The following CYP2S1 variants were observed in gnomAD, a reference collection of about 807,000 sequenced individuals.
CYP2S1 encodes the protein cytochrome P450 family 2 subfamily S member 1.
CYP2S1 carries 32 observed loss-of-function variants against 43.5 expected under a neutral mutation model. The observed-to-expected ratio is 0.74, with a 90% CI of 0.56 to 0.99. CYP2S1 has a LOEUF of 0.99. Ranked by LOEUF, CYP2S1 falls within the 50% of genes least tolerant of loss-of-function variation. CYP2S1 has a pLI of 0.00. For missense variants in CYP2S1, 575 were observed against 673.9 expected, an observed-to-expected ratio of 0.85 and a Z score of 1.62; for synonymous variants, 283 against 302.9, an observed-to-expected ratio of 0.93 and a Z score of 0.68.
chr19:41,194,598 G>A lies in CYP2S1; in HGVS notation c.232G>A (p.Val78Met), dbSNP rs2033386698. 6 of 1,611,504 alleles carry A rather than the reference G, an allele frequency of 3.7e-6. No individual in the cohort carries two copies. Among genetic ancestry groups the A allele is most frequent in the Non-Finnish European group, 4.2e-6 (5 of 1,178,994 alleles). Reference sequence around the variant, plus strand: ...CATCTACCTGGGACCCTGGCGGCCTGTGGTGGTCCTGGTTGGGCAGGAGGC... The same window carrying A: ...CATCTACCTGGGACCCTGGCGGCCTATGGTGGTCCTGGTTGGGCAGGAGGC... Reference protein sequence around the residue: ...FTIYLGPWRPVVVLVGQEAVR... With the variant: ...FTIYLGPWRPMVVLVGQEAVR... The change falls in exon 2 of 9, where the codon GTG (valine) becomes ATG (methionine). Residue 78 changes from valine (V) to methionine (M), a missense_variant. Val to Met is a conservative substitution (Grantham distance 21, BLOSUM62 1). Around this residue, in one of 2 missense-constraint regions of CYP2S1, gnomAD observed 353 missense variants for 367.6 expected, o/e 0.96. Transcript: ENST00000310054.
Position 41,198,772 on chromosome 19 carries a change from C to G in CYP2S1, c.718C>G (p.His240Asp). The change falls in exon 5 of 9, where the codon CAC becomes GAC. Residue 240 changes from histidine (H) to aspartate (D), a missense_variant. By Grantham distance (81) the His-to-Asp change is moderately conservative. Transcript: ENST00000310054. The surrounding 1 kb of genome is among the most constrained non-coding windows in gnomAD (Gnocchi z 4.9). ...LPGPHKQLLH[H>D]VSTLAAFTVR... The stretch of plus-strand genomic sequence containing the variant: ...AGGCCCCCACAAGCAGCTCCTCCAC[C>G]ACGTCAGCACCTTGGCTGCCTTCAC... 6.2e-7 allele frequency: 1 copy of G among 1,614,232 alleles called. No homozygotes were observed. The highest frequency in any genetic ancestry group is 1.3e-5 in the African/African-American group (1 of 75,066).
intron 7 of CYP2S1, 102 bp downstream of exon 7, chr19:41,203,739 C>G (rs1381363451): frequency 8.0e-6 from 3 of 374,572 alleles, no homozygotes; most frequent in Non-Finnish European, 1.2e-5. Context: ...ATCTTAGTGT[C>G]TCTCTCTCTC....
In CYP2S1 at chr19:41,194,451, C is replaced by T. The variant is rs2033383688; in HGVS notation, c.178-93C>T. The T allele has an allele frequency of 4.8e-6, 7 of 1,444,814 alleles. No homozygotes were observed. In the South Asian group the frequency reaches 6.4e-5, roughly 13 times the overall value. The allele number at this position is 1,444,814 out of a possible 1,614,324, so 89.5% of individuals were successfully genotyped here. A position where few individuals can be genotyped will look rare whatever the true frequency, so the allele number is the denominator to read the frequency against. ...CCTGGTAGAGGGCGTAGAAGCTAGA[C>T]CCGGTGGCTCCTCAAGTGACAGGGG... On this transcript the variant is annotated intron_variant, in intron 1 of 8. Coordinates refer to ENST00000310054, the MANE Select transcript of CYP2S1 (RefSeq NM_030622.8).
In CYP2S1 at chr19:41,205,017, T is replaced by C. The variant is rs146980994; in HGVS notation, c.1165-941T>C. The stretch of plus-strand genomic sequence containing the variant: ...CAACTTGAAGCTGTAAGATAATGCT[T>C]GTAAAACAAACACCAACTCAACTCT... On this transcript the variant is annotated intron_variant, in intron 7 of 8. Coordinates refer to ENST00000310054, the MANE Select transcript of CYP2S1 (RefSeq NM_030622.8). Among the ~76,000 whole-genome samples the C allele has an allele frequency of 1.5e-4, 23 of 152,242 alleles. No individual in the cohort carries two copies. In the East Asian group the frequency reaches 3.7e-3, roughly 24 times the overall value.
At chr19:41,205,838 T>A (rs749084367) in intron 7 of CYP2S1, 120 bp from the exon 8 acceptor site, 1 of 1,311,318 alleles carries the variant, frequency 7.6e-7, no homozygotes, top group African/African-American at 1.5e-5. Context: ...TCCACAAATG[T>A]TGATGCCATT....
rs2033389668 is a variant in CYP2S1 at position 41,194,707 on chromosome 19, A to G, written c.341A>G (p.His114Arg). Residue 114 changes from histidine (H) to arginine (R), a missense_variant and splice_region_variant, in exon 2 of 9, where the codon CAT (histidine) becomes CGT (arginine). This residue lies in a region of CYP2S1 where 353 missense variants were observed against 367.6 expected (regional missense o/e 0.96). Coordinates refer to ENST00000310054, the MANE Select transcript of CYP2S1 (RefSeq NM_030622.8). ...VAMLEGTFDG[H>R]GVFFSNGERW... ...ATGCTGGAAGGGACTTTTGATGGCC[A>G]TGGTAAGTCAAGGGCTGCTAGGCCC... 2 of 1,610,640 alleles carry G rather than the reference A, an allele frequency of 1.2e-6. No homozygotes were observed. The highest frequency in any genetic ancestry group is 1.7e-6 in the Non-Finnish European group (2 of 1,178,764).
chr19:41,207,011 C>T lies in CYP2S1; in HGVS notation c.*523C>T. 2.8e-6 allele frequency: 1 copy of T among 357,766 alleles called. No individual in the cohort carries two copies. The highest frequency in any genetic ancestry group is 1.0e-3 in the Middle Eastern group (1 of 978). 22.2% of individuals were successfully genotyped at this position (357,766 alleles called of 1,614,324 possible). A position where few individuals can be genotyped will look rare whatever the true frequency, so the allele number is the denominator to read the frequency against. The stretch of plus-strand genomic sequence containing the variant: ...CAACTCATGCTCCCTCTCTTGGCTA[C>T]ACCACTCTCCCAGCCTGTGACCACC... On this transcript the variant is annotated 3_prime_UTR_variant, in exon 9 of 9. Transcript: ENST00000310054.
At chr19:41,203,358 C>T in intron 6 of CYP2S1, 92 bp from the exon 7 acceptor site, 1 of 1,398,688 alleles carries the variant, frequency 7.1e-7, no homozygotes, top group Non-Finnish European at 9.4e-7. Context: ...TCAGCCTCAC[C>T]CCAAACTACA....
chr19:41,203,396 G>A (rs2122165419), intron 6 of CYP2S1, 54 bp from the exon 7 acceptor site: 4 of 1,493,836 alleles, frequency 2.7e-6, no homozygotes, highest in Non-Finnish European at 3.6e-6. Context: ...GCTTCTGAGA[G>A]GAGGATCCCT....
chr19:41,205,864 G>C (rs1038532665), intron 7 of CYP2S1, 94 bp from the exon 8 acceptor site: 4 of 1,488,006 alleles, frequency 2.7e-6, no homozygotes, highest in Admixed American at 4.2e-5. Flanking sequence ...TTGTGAACTA[G>C]TGTCCCTGGC....
At chr19:41,194,865 C>T (rs2122151413) in intron 2 of CYP2S1, among the ~76,000 whole-genome samples, 156 bp downstream of exon 2, 1 of 152,204 alleles carries the variant, frequency 6.6e-6, no homozygotes, top group South Asian at 2.1e-4. Flanking sequence ...CCTGAAATCC[C>T]AACACTTTGG....
At chr19:41,205,347 T>C (rs2033551937) in intron 7 of CYP2S1, among the ~76,000 whole-genome samples, 3 of 100,320 alleles carry the variant, frequency 3.0e-5, no homozygotes, top group African/African-American at 2.1e-4. Flanking sequence ...TCTTTTTTTC[T>C]TTCTTTCTTT....
Position 41,206,560 on chromosome 19 carries a change from T to G in CYP2S1, c.*72T>G, listed in dbSNP as rs1174121198. 1.3e-6 allele frequency: 2 copies of G among 1,567,882 alleles called. No individual in the cohort carries two copies. The highest frequency in any genetic ancestry group is 1.8e-6 in the Non-Finnish European group (2 of 1,139,564). The stretch of plus-strand genomic sequence containing the variant: ...CCTCAACAGTGGGCATGGACAGGGT[T>G]AATGTCTCCAGAGTGTACACTGCAG... On this transcript the variant is annotated 3_prime_UTR_variant, in exon 9 of 9. Transcript: ENST00000310054.
chr19:41,194,927 C>A (rs551934761), intron 2 of CYP2S1, among the ~76,000 whole-genome samples: 43 of 152,150 alleles, frequency 2.8e-4, no homozygotes, highest in Admixed American at 1.8e-3. Flanking sequence ...ACCAGCCTGG[C>A]CAACATGGTG....
rs1476891290 is a variant in CYP2S1 at position 41,193,332 on chromosome 19, T to A, written c.68T>A (p.Leu23Gln). 2 of 1,540,290 alleles carry A rather than the reference T, an allele frequency of 1.3e-6. No individual in the cohort carries two copies. The highest frequency in any genetic ancestry group is 1.7e-6 in the Non-Finnish European group (2 of 1,143,016). ...CTGCTCCTGCTGCTGACGCTGGCGCTGTCCGGGACCAGGGCCCGAGGCCAC... is the reference window on the plus strand; with the variant it reads ...CTGCTCCTGCTGCTGACGCTGGCGCAGTCCGGGACCAGGGCCCGAGGCCAC... ...LALLLLLTLA[L>Q]SGTRARGHLP... is the part of the protein sequence containing the mutation. Residue 23 changes from leucine (L) to glutamine (Q), a missense_variant, in exon 1 of 9, where the codon CTG becomes CAG. This residue lies in a region of CYP2S1 where 353 missense variants were observed against 367.6 expected (regional missense o/e 0.96). Transcript: ENST00000310054.
At chr19:41,196,111 G>C (rs1291674667) in intron 2 of CYP2S1, among the ~76,000 whole-genome samples, 6 of 152,058 alleles carry the variant, frequency 3.9e-5, no homozygotes, top group African/African-American at 7.2e-5. Flanking sequence ...ATCAGGGAAG[G>C]CTTCTCAGAG....
At chr19:41,194,149 C>T (rs573104525) in intron 1 of CYP2S1, among the ~76,000 whole-genome samples, 4 of 151,518 alleles carry the variant, frequency 2.6e-5, no homozygotes, top group Admixed American at 6.6e-5. Context: ...AGAGATGGGG[C>T]GGATACTCAG....
chr19:41,194,607 C>G lies in CYP2S1; in HGVS notation c.241C>G (p.Leu81Val). 2 of 1,611,512 alleles carry G rather than the reference C, an allele frequency of 1.2e-6. No individual in the cohort carries two copies. The highest frequency in any genetic ancestry group is 1.7e-6 in the Non-Finnish European group (2 of 1,178,964). ...GGGACCCTGGCGGCCTGTGGTGGTC[C>G]TGGTTGGGCAGGAGGCTGTGCGGGA... ...YLGPWRPVVV[L>V]VGQEAVREAL... Residue 81 changes from leucine (L) to valine (V), a missense_variant, in exon 2 of 9, where the codon CTG becomes GTG. This residue lies in a region of CYP2S1 where 353 missense variants were observed against 367.6 expected (regional missense o/e 0.96). Coordinates refer to ENST00000310054, the MANE Select transcript of CYP2S1 (RefSeq NM_030622.8).
chr19:41,200,640 C>T (rs910345712), intron 5 of CYP2S1, among the ~76,000 whole-genome samples: 2 of 152,178 alleles, frequency 1.3e-5, no homozygotes, highest in African/African-American at 4.8e-5. Flanking sequence ...TCCCAAAGTG[C>T]TGGGACTACA....
Sources: allele counts gnomAD v4.1 joint callset (sites outside exome capture counted in the v4.1 genomes callset), GRCh38; gene constraint gnomAD v4.1.1; regional missense constraint gnomAD v4.1.1; non-coding constraint Gnocchi (gnomAD v3.1); transcripts MANE v1.5; gene names NCBI Gene and HGNC (gene_info 2026-07-23, HGNC 2026-07-21).